The following SLC8A1 variants were observed in gnomAD, a reference collection of about 807,000 sequenced individuals.
SLC8A1 encodes solute carrier family 8 member A1.
In SLC8A1, 18 loss-of-function variants were observed where a neutral mutation model predicts 68.3. That is an observed-to-expected ratio of 0.26 (90% CI 0.18 to 0.39). The LOEUF (loss-of-function observed/expected upper bound fraction) is 0.39, where lower values mean the gene tolerates loss of function less well. Among genes scored for constraint, SLC8A1 ranks in the 10% least tolerant of loss-of-function variants. SLC8A1 has a pLI of 1.00. For synonymous variants in SLC8A1, 475 were observed against 415.5 expected, an observed-to-expected ratio of 1.14 and a Z score of -1.74; for missense variants, 985 against 1,156.7, an observed-to-expected ratio of 0.85 and a Z score of 2.15.
intron 2 of SLC8A1, among the ~76,000 whole-genome samples, chr2:40,421,754 C>T (rs573184112): frequency 6.6e-6 from 1 of 152,154 alleles, no homozygotes; most frequent in African/African-American, 2.4e-5. Context: ...GCACCAAGTC[C>T]TCAGGAGAAA....
intron 1 of SLC8A1, among the ~76,000 whole-genome samples, chr2:40,509,880 G>T (rs1559781393): frequency 6.6e-6 from 1 of 151,486 alleles, no homozygotes; most frequent in Non-Finnish European, 1.5e-5. Context: ...GCATGATCTC[G>T]GCTCAAAGCA....
At chr2:40,111,174 C>T (rs1280988800) in exon 8 of SLC8A1, 1 of 152,088 alleles carries the variant, frequency 6.6e-6, no homozygotes, top group African/African-American at 2.4e-5. Flanking sequence ...TTTTATAAAA[C>T]ACTCACTGGT....
At chr2:40,355,338 A>G (rs994334750) in intron 2 of SLC8A1, among the ~76,000 whole-genome samples, 1 of 152,150 alleles carries the variant, frequency 6.6e-6, no homozygotes, top group African/African-American at 2.4e-5. Flanking sequence ...ACTCATCTGT[A>G]AAGTGGGGTA....
At chr2:40,389,966 G>T (rs1345515253) in intron 2 of SLC8A1, among the ~76,000 whole-genome samples, 1 of 151,310 alleles carries the variant, frequency 6.6e-6, no homozygotes, top group Non-Finnish European at 1.5e-5. Context: ...AGTGAATCTG[G>T]TATTCTACCA....
chr2:40,151,287 A>G (rs62150903), intron 6 of SLC8A1, among the ~76,000 whole-genome samples: 1 of 143,334 alleles, frequency 7.0e-6, no homozygotes, highest in African/African-American at 2.6e-5. Context: ...GTGTGTGTGT[A>G]TGTATTTATA....
chr2:40,505,421 T>C lies in SLC8A1; in HGVS notation c.-25+6928A>G, dbSNP rs546309420. ...TTCCCCATGATGTGCTTATTTCACA[T>C]TGCATGCCTGTATCCAAACATCTCA... On this transcript the variant is annotated intron_variant, in intron 1 of 7. Transcript: ENST00000402441. Among the ~76,000 whole-genome samples, 203 of 152,046 alleles carry C rather than the reference T, an allele frequency of 1.3e-3. 2 individuals are homozygous for C. Among genetic ancestry groups the C allele is most frequent in the African/African-American group, 4.7e-3 (195 of 41,524 alleles).
intron 4 of SLC8A1, among the ~76,000 whole-genome samples, chr2:40,167,412 T>TA (rs991948391): frequency 1.2e-4 from 18 of 152,216 alleles, no homozygotes; most frequent in Non-Finnish European, 5.9e-5. Context: ...GTTAGTGACT[T>TA]AAAGTTTTCT....
intron 6 of SLC8A1, among the ~76,000 whole-genome samples, chr2:40,159,106 A>G (rs1416681012): frequency 6.6e-6 from 1 of 152,210 alleles, no homozygotes; most frequent in Non-Finnish European, 1.5e-5. Context: ...TAATAGGTCT[A>G]TTGATGGGGT....
chr2:40,139,762 C>T (rs2041210131), intron 6 of SLC8A1, 86 bp from the exon 10 acceptor site: 1 of 1,390,666 alleles, frequency 7.2e-7, no homozygotes, highest in African/African-American at 1.4e-5. Flanking sequence ...CTAGGTCGGT[C>T]ATCCCTCCAC....
At chr2:40,191,686 T>A (rs1429304031) in intron 2 of SLC8A1, among the ~76,000 whole-genome samples, 1 of 152,150 alleles carries the variant, frequency 6.6e-6, no homozygotes, top group Admixed American at 6.6e-5. Flanking sequence ...AATTCCTGGG[T>A]TAATTACAGG....
At chr2:40,462,650 A>G (rs1703417078) in intron 1 of SLC8A1, among the ~76,000 whole-genome samples, 1 of 151,768 alleles carries the variant, frequency 6.6e-6, no homozygotes, top group Non-Finnish European at 1.5e-5. Context: ...TCAATAAAAA[A>G]GTCAAAAATT....
chr2:40,148,821 T>C (rs750006353), intron 6 of SLC8A1, among the ~76,000 whole-genome samples: 4 of 152,218 alleles, frequency 2.6e-5, no homozygotes, highest in Non-Finnish European at 4.4e-5. Context: ...TGAGGGAAAT[T>C]AGCTGATTGG....
intron 2 of SLC8A1, among the ~76,000 whole-genome samples, chr2:40,198,968 T>C (rs1034431848): frequency 1.3e-5 from 2 of 151,620 alleles, no homozygotes; most frequent in African/African-American, 4.8e-5. Context: ...AACTAGGATT[T>C]GCTCTAGGGA....
chr2:40,488,195 T>A (rs1272290201), intron 1 of SLC8A1, among the ~76,000 whole-genome samples: 1 of 146,080 alleles, frequency 6.8e-6, no homozygotes, highest in African/African-American at 2.6e-5. Flanking sequence ...GCTTTTTCTA[T>A]AACCACAAGG....
intron 2 of SLC8A1, among the ~76,000 whole-genome samples, chr2:40,294,795 A>C (rs375887077): frequency 1.3e-5 from 2 of 152,328 alleles, no homozygotes; most frequent in African/African-American, 4.8e-5. Flanking sequence ...AATAACTAAA[A>C]AGGTATAGCG....
At position 40,222,375 on chromosome 2, in the gene SLC8A1, T is replaced by G. The variant is rs572946282; in HGVS notation, c.1809-44520A>C. On this transcript the variant is annotated intron_variant, in intron 2 of 7. Coordinates refer to ENST00000406785, the Ensembl canonical transcript of SLC8A1. ...CCTTATACCTTATACAAAAATTAAC[T>G]CAAGATGGATTAAAGACTTCAGCAT... Among the ~76,000 whole-genome samples, 5 of 152,062 alleles carry G rather than the reference T, an allele frequency of 3.3e-5. No homozygotes were observed. The South Asian group carries it at 1.0e-3, about 32-fold the overall frequency.
intron 2 of SLC8A1, among the ~76,000 whole-genome samples, chr2:40,185,436 C>G (rs1337821088): frequency 6.6e-6 from 1 of 152,168 alleles, no homozygotes; most frequent in Non-Finnish European, 1.5e-5. Flanking sequence ...GTGATACATG[C>G]TACAACATGG....
At chr2:40,247,032 C>T (rs565230423) in intron 2 of SLC8A1, among the ~76,000 whole-genome samples, 1 of 152,054 alleles carries the variant, frequency 6.6e-6, no homozygotes, top group Non-Finnish European at 1.5e-5. Context: ...TGAGAAATAG[C>T]CATTTTAGTG....
At chr2:40,234,525 T>A (rs897087413) in intron 2 of SLC8A1, among the ~76,000 whole-genome samples, 2 of 152,188 alleles carry the variant, frequency 1.3e-5, no homozygotes, top group African/African-American at 4.8e-5. Flanking sequence ...TTTCTAGATA[T>A]ACAATCATGT....
Sources: gnomAD v4.1 joint callset for allele counts (sites outside exome capture counted in the v4.1 genomes callset) on GRCh38, gnomAD v4.1.1 for gene constraint, MANE v1.5 for transcripts, NCBI Gene and HGNC (gene_info 2026-07-23, HGNC 2026-07-21) for gene names.